The following BMPR1B variants were observed in gnomAD, a reference collection of about 807,000 sequenced individuals.
BMPR1B encodes the protein bone morphogenetic protein receptor type 1B, also known as bone morphogenetic protein receptor type-1B.
BMPR1B carries 12 observed loss-of-function variants against 59.1 expected under a neutral mutation model. The observed-to-expected ratio is 0.20, with a 90% confidence interval of 0.13 to 0.33. BMPR1B has a LOEUF of 0.33. Among genes scored for constraint, BMPR1B ranks in the 10% least tolerant of loss-of-function variants. The pLI is 1.00. For synonymous variants in BMPR1B, 237 were observed against 207.3 expected, an observed-to-expected ratio of 1.14 and a Z score of -1.23; for missense variants, 550 against 610.9, an observed-to-expected ratio of 0.90 and a Z score of 1.05.
intron 3 of BMPR1B, among the ~76,000 whole-genome samples, chr4:95,000,964 C>T (rs1220161030): frequency 6.6e-6 from 1 of 152,144 alleles, no homozygotes; most frequent in African/African-American, 2.4e-5. Context: ...GACTTGAAAG[C>T]TTTTCTTCAG....
At chr4:95,144,631 C>T (rs1342369196) in intron 10 of BMPR1B, among the ~76,000 whole-genome samples, 3 of 151,998 alleles carry the variant, frequency 2.0e-5, no homozygotes, top group Admixed American at 1.3e-4. Flanking sequence ...CTCTTTAGTA[C>T]TCACATTAAC....
At chr4:95,091,914 A>T (rs935913528) in intron 3 of BMPR1B, among the ~76,000 whole-genome samples, 3 of 152,166 alleles carry the variant, frequency 2.0e-5, no homozygotes, top group Non-Finnish European at 4.4e-5. Context: ...CTTTTGTGTT[A>T]TGTGTGAGTG....
chr4:95,013,833 T>C (rs1723390443), intron 3 of BMPR1B, among the ~76,000 whole-genome samples: 1 of 152,202 alleles, frequency 6.6e-6, no homozygotes, highest in African/African-American at 2.4e-5. Context: ...CCTAATTAGA[T>C]TGTAGTGGTT....
chr4:94,937,332 T>C (rs1417590459), intron 2 of BMPR1B, among the ~76,000 whole-genome samples: 1 of 152,212 alleles, frequency 6.6e-6, no homozygotes, highest in Non-Finnish European at 1.5e-5. Context: ...TATTAATGCC[T>C]TGAATACATC....
rs375845321 is a variant in BMPR1B, at chr4:94,953,929, A to G, written c.-112-42111A>G. On this transcript the variant is annotated intron_variant, in intron 2 of 12. Coordinates refer to ENST00000515059, the MANE Select transcript of BMPR1B (RefSeq NM_001203.3). ...AGGTTTGGTCTTTTCACATAGTCTCATATTTCTTGGAGGTTGGAGGCTTTG... is the reference window on the plus strand; with the variant it reads ...AGGTTTGGTCTTTTCACATAGTCTCGTATTTCTTGGAGGTTGGAGGCTTTG... 1.5e-4 allele frequency among the ~76,000 whole-genome samples: 23 copies of G among 151,694 alleles called. No homozygotes were observed. In the East Asian group the frequency reaches 4.3e-3, roughly 28 times the overall value.
intron 1 of BMPR1B, among the ~76,000 whole-genome samples, chr4:94,820,326 T>G (rs1390046814): frequency 6.6e-6 from 1 of 152,162 alleles, no homozygotes; most frequent in Non-Finnish European, 1.5e-5. Flanking sequence ...GGCGTAAAAG[T>G]CACCCACAAA....
chr4:95,043,181 CAAAAAAAA>C (rs751904820), intron 3 of BMPR1B, among the ~76,000 whole-genome samples: 11 of 51,438 alleles, frequency 2.1e-4, no homozygotes, highest in East Asian at 1.1e-3. Context: ...GACTCCGTCT[CAAAAAAAA>C]AAAAAAAAAA....
At chr4:94,803,188 G>A (rs1723475248) in intron 1 of BMPR1B, among the ~76,000 whole-genome samples, 1 of 152,092 alleles carries the variant, frequency 6.6e-6, no homozygotes, top group Non-Finnish European at 1.5e-5. Flanking sequence ...ACTCCCATTT[G>A]GTATTGGCCT....
rs771747962 is a variant in BMPR1B, at chr4:95,125,063, T to C, written c.527T>C (p.Leu176Pro). The C allele has an allele frequency of 1.2e-5, 19 of 1,613,726 alleles. No individual in the cohort carries two copies. The highest frequency in any genetic ancestry group is 8.8e-5 in the South Asian group (8 of 91,088). The change falls in exon 8 of 13, where the codon CTG becomes CCG. Residue 176 changes from leucine (L) to proline (P), a missense_variant. Around this residue, in one of 6 missense-constraint regions of BMPR1B, gnomAD observed 318 missense variants for 284.6 expected, o/e 1.12. Coordinates refer to ENST00000515059, the MANE Select transcript of BMPR1B (RefSeq NM_001203.3). Reference sequence around the variant, plus strand: ...ACTTACATTCCTCCTGGAGAATCCCTGAGAGACTTAATTGAGCAGTCTCAG... The same window carrying C: ...ACTTACATTCCTCCTGGAGAATCCCCGAGAGACTTAATTGAGCAGTCTCAG... ...DETYIPPGES[L>P]RDLIEQSQSS...
chr4:94,924,198 T>G (rs1388314559), intron 2 of BMPR1B, among the ~76,000 whole-genome samples: 1 of 152,174 alleles, frequency 6.6e-6, no homozygotes, highest in Non-Finnish European at 1.5e-5. Context: ...AGCTTCAGAA[T>G]TACTGAAACT....
At chr4:94,887,405 A>G (rs1727220519) in intron 2 of BMPR1B, among the ~76,000 whole-genome samples, 1 of 135,398 alleles carries the variant, frequency 7.4e-6, no homozygotes, top group Non-Finnish European at 1.6e-5. Flanking sequence ...CCCCCCACCA[A>G]AAAAAAAAAA....
At chr4:94,932,188 A>T (rs1729117944) in intron 2 of BMPR1B, among the ~76,000 whole-genome samples, 1 of 152,164 alleles carries the variant, frequency 6.6e-6, no homozygotes. Context: ...GGTTATCCCA[A>T]GTGCAAAATT....
intron 1 of BMPR1B, among the ~76,000 whole-genome samples, chr4:94,850,461 G>A (rs764663203): frequency 1.3e-5 from 2 of 151,844 alleles, no homozygotes; most frequent in Non-Finnish European, 2.9e-5. Flanking sequence ...CAAGATATCT[G>A]TAACAGCTGA....
intron 3 of BMPR1B, among the ~76,000 whole-genome samples, chr4:95,017,917 A>C (rs1723697928): frequency 6.6e-6 from 1 of 152,216 alleles, no homozygotes; most frequent in African/African-American, 2.4e-5. Context: ...CAAAAAGAAA[A>C]TACTGTTGTG....
At chr4:94,957,757 G>A (rs1189996840) in intron 2 of BMPR1B, among the ~76,000 whole-genome samples, 1 of 152,064 alleles carries the variant, frequency 6.6e-6, no homozygotes, top group African/African-American at 2.4e-5. Flanking sequence ...TGAGATCTAA[G>A]ATGATAAATG....
intron 1 of BMPR1B, among the ~76,000 whole-genome samples, chr4:94,807,451 T>C (rs944602450): frequency 1.3e-4 from 20 of 152,134 alleles, no homozygotes; most frequent in African/African-American, 4.6e-4. Flanking sequence ...GTGAGAAAGA[T>C]GGTGAATGTA....
In BMPR1B at chr4:94,865,421, C is replaced by T. The variant is rs139601360; in HGVS notation, c.-182-10410C>T. Among the ~76,000 whole-genome samples the T allele has an allele frequency of 7.5e-3, 1,129 of 151,526 alleles. 15 individuals carry two copies. The highest frequency in any genetic ancestry group is 0.026 in the African/African-American group (1,078 of 41,202). On this transcript the variant is annotated intron_variant, in intron 1 of 12. Coordinates refer to ENST00000515059, the MANE Select transcript of BMPR1B (RefSeq NM_001203.3). ...TTTTAATTTTTTTGAGACGGAGTCT[C>T]GCTCTGTCACCCGGGCTGGAGTACA...
At chr4:94,878,647 AT>A (rs966021580) in intron 2 of BMPR1B, among the ~76,000 whole-genome samples, 4 of 151,498 alleles carry the variant, frequency 2.6e-5, no homozygotes, top group Non-Finnish European at 5.9e-5. Context: ...GAGTGACTCC[AT>A]TTTGGTCTTG....
chr4:94,892,139 T>A (rs1333735413), intron 2 of BMPR1B, among the ~76,000 whole-genome samples: 1 of 152,042 alleles, frequency 6.6e-6, no homozygotes, highest in African/African-American at 2.4e-5. Context: ...TGGTGCCAGG[T>A]CTAAATGGAG....
Sources: gnomAD v4.1 joint callset for allele counts (sites outside exome capture counted in the v4.1 genomes callset) on GRCh38, gnomAD v4.1.1 for gene constraint, gnomAD v4.1.1 regional missense constraint, MANE v1.5 for transcripts, NCBI Gene and HGNC (gene_info 2026-07-23, HGNC 2026-07-21) for gene names.